TRIM22: variants seen among roughly 807,000 people sequenced by gnomAD.
TRIM22 encodes the protein tripartite motif containing 22.
A neutral mutation model predicts 53.6 loss-of-function variants in TRIM22; 45 were observed. The observed-to-expected ratio is 0.84, with a 90% confidence interval of 0.66 to 1.08. TRIM22 has a LOEUF of 1.08. Ranked by LOEUF, TRIM22 falls within the 50% of genes least tolerant of loss-of-function variation. The pLI, the probability that TRIM22 is intolerant of heterozygous loss-of-function variation, is 0.00. For missense variants in TRIM22, 616 were observed against 590.9 expected, an observed-to-expected ratio of 1.04 and a Z score of -0.44; for synonymous variants, 225 against 216.6, an observed-to-expected ratio of 1.04 and a Z score of -0.34.
intron 1 of TRIM22, among the ~76,000 whole-genome samples, chr11:5,690,836 G>C (rs1348374358): frequency 6.6e-6 from 1 of 152,214 alleles, no homozygotes; most frequent in Non-Finnish European, 1.5e-5. Flanking sequence ...TCATGATGAG[G>C]TTCAGCAGGG....
intron 4 of TRIM22, among the ~76,000 whole-genome samples, chr11:5,706,302 C>T (rs1853455628): frequency 6.6e-6 from 1 of 152,086 alleles, no homozygotes; most frequent in South Asian, 2.1e-4. Flanking sequence ...TTTATTCCCA[C>T]CATATCCAGG....
intron 5 of TRIM22, among the ~76,000 whole-genome samples, chr11:5,707,468 A>T (rs575141382): frequency 1.7e-4 from 26 of 152,148 alleles, no homozygotes; most frequent in Non-Finnish European, 3.5e-4. Context: ...GATGGCAATG[A>T]CTTTTCTAAA....
chr11:5,698,496 T>C lies in TRIM22; in HGVS notation c.701T>C (p.Ile234Thr). 1 of 1,613,966 alleles carries C rather than the reference T, an allele frequency of 6.2e-7. No homozygotes were observed. The highest frequency in any genetic ancestry group is 8.5e-7 in the Non-Finnish European group (1 of 1,179,906). The part of the protein sequence containing the change: ...VQQRQDASTL[I>T]SDLQRRLRGS... ...CAGAGGCAGGATGCCAGCACGCTCA[T>C]CTCAGATCTCCAGCGGAGGTTGAGG... Residue 234 changes from isoleucine (I) to threonine (T), a missense_variant, in exon 4 of 8, where the codon ATC (isoleucine) becomes ACC (threonine). Physicochemically the swap from Ile to Thr is moderately conservative, Grantham distance 89. Transcript: ENST00000379965.
chr11:5,702,177 TAAC>T (rs1853383987), intron 4 of TRIM22, among the ~76,000 whole-genome samples: 2 of 145,438 alleles, frequency 1.4e-5, no homozygotes, highest in African/African-American at 2.5e-5. Context: ...TACATATACA[TAAC>T]TAATATATAT....
intron 1 of TRIM22, among the ~76,000 whole-genome samples, chr11:5,695,818 T>A (rs74323764): frequency 0.068 from 10,362 of 152,188 alleles, 440 homozygotes; most frequent in Non-Finnish European, 0.093. Flanking sequence ...GGGGTGTGTT[T>A]AGTGCATTTA....
intron 5 of TRIM22, among the ~76,000 whole-genome samples, 200 bp downstream of exon 5, chr11:5,706,816 C>T (rs1289041776): frequency 6.6e-6 from 1 of 152,124 alleles, no homozygotes; most frequent in African/African-American, 2.4e-5. Flanking sequence ...GAGTTAGGGT[C>T]GACGGAGGCC....
chr11:5,707,076 A>G (rs1348935226), intron 5 of TRIM22, among the ~76,000 whole-genome samples: 1 of 152,202 alleles, frequency 6.6e-6, no homozygotes, highest in Non-Finnish European at 1.5e-5. Context: ...TCAAGTCTTG[A>G]GGAATAGTGG....
At position 5,709,173 on chromosome 11, in the gene TRIM22, C is replaced by A. The variant is rs1853515844; in HGVS notation, c.1022C>A (p.Ala341Asp). 2 of 1,614,166 alleles carry A rather than the reference C, an allele frequency of 1.2e-6. No homozygotes were observed. Among genetic ancestry groups the A allele is most frequent in the African/African-American group, 1.3e-5 (1 of 75,032 alleles). Residue 341 changes from alanine to aspartate, a missense_variant, in exon 8 of 8, where the codon GCT becomes GAT. By Grantham distance (126) the Ala-to-Asp change is moderately radical (BLOSUM62 -2). Coordinates refer to ENST00000379965, the MANE Select transcript of TRIM22 (RefSeq NM_006074.5). ...AATTCAAATCCATGTGATTTTTCTG[C>A]TTTTGGTGTCTTCGGCTGCCAATAT... ...FKNSNPCDFSAFGVFGCQYFS... is the reference protein window; with the variant it reads ...FKNSNPCDFSDFGVFGCQYFS...
chr11:5,691,435 A>AT (rs1314769759), intron 1 of TRIM22, among the ~76,000 whole-genome samples: 1 of 152,254 alleles, frequency 6.6e-6, no homozygotes, highest in Non-Finnish European at 1.5e-5. Context: ...TATAGATAAC[A>AT]AACCAATTAG....
chr11:5,703,320 A>C (rs941262483), intron 4 of TRIM22, among the ~76,000 whole-genome samples: 1 of 152,152 alleles, frequency 6.6e-6, no homozygotes, highest in Non-Finnish European at 1.5e-5. Flanking sequence ...TTCCCGTGTT[A>C]ATTTGCTTAG....
intron 1 of TRIM22, among the ~76,000 whole-genome samples, chr11:5,690,311 G>A (rs900419889): frequency 1.1e-4 from 16 of 152,184 alleles, no homozygotes; most frequent in Admixed American, 2.6e-4. Flanking sequence ...AACAAAGGAG[G>A]AAGAAAGTTT....
Position 5,709,615 on chromosome 11 carries a change from A to G in TRIM22, c.1464A>G (p.Leu488=). The stretch of plus-strand genomic sequence containing the variant: ...CGTATTTCAATCCTTGGAACTGCCT[A>G]GTCCCCATGACTGTGTGCCCACCGA... ...AYPYFNPWNC[L]VPMTVCPPSS The change falls in exon 8 of 8, where the codon CTA becomes CTG. Residue 488 remains leucine (L), a synonymous_variant. Coordinates refer to ENST00000379965, the MANE Select transcript of TRIM22 (RefSeq NM_006074.5). 1 of 1,608,798 alleles carries G rather than the reference A, an allele frequency of 6.2e-7. No homozygotes were observed. The highest frequency in any genetic ancestry group is 1.7e-5 in the Admixed American group (1 of 60,014).
chr11:5,709,463 G>A lies in TRIM22; in HGVS notation c.1312G>A (p.Val438Met). The A allele has an allele frequency of 6.2e-7, 1 of 1,614,144 alleles. No individual in the cohort carries two copies. The highest frequency in any genetic ancestry group is 8.5e-7 in the Non-Finnish European group (1 of 1,180,034). ...CAAGGTTTTGACTCTCTTTATGGCT[G>A]TGCCTCCCTGTCGTATTGGGGTTTT... The part of the protein sequence containing the change: ...DPKVLTLFMA[V>M]PPCRIGVFLD... The change falls in exon 8 of 8, where the codon GTG (valine) becomes ATG (methionine). Residue 438 changes from valine to methionine, a missense_variant. Physicochemically the swap from Val to Met is conservative, Grantham distance 21. Coordinates refer to ENST00000379965, the MANE Select transcript of TRIM22 (RefSeq NM_006074.5).
intron 6 of TRIM22, 57 bp from the exon 7 acceptor site, chr11:5,708,520 G>A (rs1424685606): frequency 5.9e-6 from 9 of 1,523,574 alleles, no homozygotes; most frequent in South Asian, 3.7e-5. Context: ...GAAGAGACAG[G>A]TGTCAGTACT....
chr11:5,695,415 AGAG>A (rs749745829), intron 1 of TRIM22, among the ~76,000 whole-genome samples: 56 of 152,320 alleles, frequency 3.7e-4, no homozygotes, highest in Admixed American at 6.5e-4. Flanking sequence ...GAAAAAAGTC[AGAG>A]GAGATAAACC....
chr11:5,705,154 C>A (rs1203633202), intron 4 of TRIM22, among the ~76,000 whole-genome samples: 6 of 152,152 alleles, frequency 3.9e-5, no homozygotes, highest in African/African-American at 9.7e-5. Context: ...ATATCCAACT[C>A]TTATATTTTT....
At chr11:5,702,260 T>A (rs1412068581) in intron 4 of TRIM22, among the ~76,000 whole-genome samples, 1 of 145,124 alleles carries the variant, frequency 6.9e-6, no homozygotes, top group East Asian at 1.9e-4. Context: ...TAGTTATATA[T>A]AATATATAAC....
At chr11:5,708,097 G>T in intron 5 of TRIM22, 76 bp from the exon 6 acceptor site, 1 of 1,206,496 alleles carries the variant, frequency 8.3e-7, no homozygotes, top group Non-Finnish European at 1.2e-6. Context: ...TATGGTGAAA[G>T]GTGAAAGAGA....
chr11:5,709,311 C>CT lies in TRIM22; in HGVS notation c.1164dup (p.Asp389Ter), dbSNP rs764051595. ...AATAAAAGGAAGAGCTCTGGGTTTG[C>CT]TTTTGATCCAAGTGTAAATTATTCA... On this transcript the variant is annotated frameshift_variant, in exon 8 of 8. Coordinates refer to ENST00000379965, the MANE Select transcript of TRIM22 (RefSeq NM_006074.5). LOFTEE classifies it high-confidence loss of function. The CT allele has an allele frequency of 6.2e-6, 10 of 1,613,996 alleles. No homozygotes were observed. The South Asian group carries it at 9.9e-5, about 16-fold the overall frequency.
Sources: gnomAD v4.1 joint callset for allele counts (sites outside exome capture counted in the v4.1 genomes callset) on GRCh38, gnomAD v4.1.1 for gene constraint, MANE v1.5 for transcripts, NCBI Gene and HGNC (gene_info 2026-07-23, HGNC 2026-07-21) for gene names.